The following CLOCK variants were observed in gnomAD, a reference collection of about 807,000 sequenced individuals.
CLOCK encodes clock circadian regulator, also known as circadian locomoter output cycles protein kaput.
Under a neutral mutation model 118.4 loss-of-function variants are expected in CLOCK, and 43 were observed. That is an observed-to-expected ratio of 0.36 (90% CI 0.28 to 0.47). The LOEUF (loss-of-function observed/expected upper bound fraction) is 0.47, where lower values mean the gene tolerates loss of function less well. Among genes scored for constraint, CLOCK ranks in the 20% least tolerant of loss-of-function variants. The pLI is 1.00. For synonymous variants in CLOCK, 326 were observed against 339.2 expected, an observed-to-expected ratio of 0.96 and a Z score of 0.43; for missense variants, 846 against 999.9, an observed-to-expected ratio of 0.85 and a Z score of 2.08.
In CLOCK at chr4:55,428,819, A is replaced by G. The variant is rs1296904520; in HGVS notation, c.*6596T>C. Reference sequence around the variant, plus strand: ...TTTTTTTTTGCACTGACTGGTTTCAATACAGCACTGAATTTAACTCATCTT... The same window carrying G: ...TTTTTTTTTGCACTGACTGGTTTCAGTACAGCACTGAATTTAACTCATCTT... On this transcript the variant is annotated 3_prime_UTR_variant, in exon 23 of 23. Transcript: ENST00000513440. 1.3e-5 allele frequency: 2 copies of G among 151,730 alleles called. No homozygotes were observed. The highest frequency in any genetic ancestry group is 2.9e-5 in the Non-Finnish European group (2 of 67,952). The allele number at this position is 151,730 out of a possible 1,614,324, so 9.4% of individuals were successfully genotyped here.
intron 4 of CLOCK, among the ~76,000 whole-genome samples, chr4:55,481,379 C>A (rs1726925557): frequency 6.6e-6 from 1 of 152,050 alleles, no homozygotes; most frequent in Admixed American, 6.6e-5. Context: ...TGCTTTATGT[C>A]TGAAAATACA....
chr4:55,520,839 A>T (rs76977585), intron 1 of CLOCK, among the ~76,000 whole-genome samples: 158 of 152,256 alleles, frequency 1.0e-3, no homozygotes, highest in Non-Finnish European at 1.6e-3. Context: ...CCCTTGCTTT[A>T]TATCAGAAGA....
intron 20 of CLOCK, 40 bp downstream of exon 20, chr4:55,443,647 C>A: frequency 6.7e-7 from 1 of 1,496,998 alleles, no homozygotes; most frequent in Non-Finnish European, 9.3e-7. Context: ...GCCTTCCAAC[C>A]ACTGATCACT....
At chr4:55,436,059 G>A (rs745460839) in intron 22 of CLOCK, among the ~76,000 whole-genome samples, 4 of 152,114 alleles carry the variant, frequency 2.6e-5, no homozygotes, top group Non-Finnish European at 2.9e-5. Context: ...AGACTGAATG[G>A]TTCAAACTTG....
chr4:55,496,504 CA>C lies in CLOCK; in HGVS notation c.-135-7040del, dbSNP rs1728097731. Among the ~76,000 whole-genome samples the C allele has an allele frequency of 3.3e-5, 5 of 152,310 alleles. No individual in the cohort carries two copies. In the South Asian group the frequency reaches 1.0e-3, roughly 32 times the overall value. ...ACCACTGAGTCCTTTATACACTTAT[CA>C]TATTGATAAGCTATTCTGTGGCAAA... On this transcript the variant is annotated intron_variant, in intron 2 of 22. Coordinates refer to ENST00000513440, the MANE Select transcript of CLOCK (RefSeq NM_004898.4).
At chr4:55,496,291 C>T (rs983513694) in intron 2 of CLOCK, among the ~76,000 whole-genome samples, 2 of 151,920 alleles carry the variant, frequency 1.3e-5, no homozygotes, top group African/African-American at 4.8e-5. Flanking sequence ...ACTGTGCCAG[C>T]TCATAATCTT....
intron 4 of CLOCK, 48 bp from the exon 5 acceptor site, chr4:55,479,747 A>C: frequency 7.0e-7 from 1 of 1,419,610 alleles, no homozygotes; most frequent in Non-Finnish European, 1.0e-6. Context: ...ACTAAGCAAC[A>C]GCAATACTAA....
chr4:55,447,992 T>TC (rs1171657707), intron 18 of CLOCK, among the ~76,000 whole-genome samples: 1 of 151,584 alleles, frequency 6.6e-6, no homozygotes, highest in Non-Finnish European at 1.5e-5. Context: ...TTGGAATTAC[T>TC]CCCCCTTTTT....
intron 1 of CLOCK, among the ~76,000 whole-genome samples, chr4:55,544,749 T>A (rs1731496950): frequency 6.6e-6 from 1 of 152,170 alleles, no homozygotes; most frequent in South Asian, 2.1e-4. Context: ...CATGAAGACA[T>A]ACACATAATA....
intron 8 of CLOCK, among the ~76,000 whole-genome samples, chr4:55,466,023 G>T (rs1255452544): frequency 6.6e-6 from 1 of 152,016 alleles, no homozygotes; most frequent in Non-Finnish European, 1.5e-5. Flanking sequence ...ACAAAATAAA[G>T]AATCAAAATA....
intron 2 of CLOCK, among the ~76,000 whole-genome samples, chr4:55,504,739 A>C (rs558128241): frequency 7.9e-5 from 12 of 152,348 alleles, no homozygotes; most frequent in Admixed American, 7.8e-4. Context: ...TAACTGAGAT[A>C]ATCAGGAAAA....
chr4:55,452,919 T>C (rs1406126340), intron 15 of CLOCK, 135 bp downstream of exon 15: 2 of 652,980 alleles, frequency 3.1e-6, no homozygotes, highest in Non-Finnish European at 5.2e-6. Flanking sequence ...AAATAAGTAG[T>C]AAAGTATAAT....
At chr4:55,506,926 CTTAGA>C (rs1189422576) in intron 2 of CLOCK, among the ~76,000 whole-genome samples, 2 of 152,120 alleles carry the variant, frequency 1.3e-5, no homozygotes, top group Admixed American at 1.3e-4. Flanking sequence ...ATCAGCAATT[CTTAGA>C]TTAGAGGTTT....
intron 2 of CLOCK, among the ~76,000 whole-genome samples, chr4:55,489,684 T>C (rs1342795829): frequency 1.3e-5 from 2 of 151,804 alleles, no homozygotes; most frequent in East Asian, 3.9e-4. Context: ...AGTTAAAAGA[T>C]AAAAGTATTA....
At chr4:55,497,689 C>T (rs1008559225) in intron 2 of CLOCK, among the ~76,000 whole-genome samples, 2 of 152,150 alleles carry the variant, frequency 1.3e-5, no homozygotes, top group Non-Finnish European at 2.9e-5. Context: ...AGGCTGCATG[C>T]GTTCAACTGT....
chr4:55,497,186 G>T (rs1728138325), intron 2 of CLOCK, among the ~76,000 whole-genome samples: 1 of 152,144 alleles, frequency 6.6e-6, no homozygotes, highest in South Asian at 2.1e-4. Flanking sequence ...CTCTAGCAGA[G>T]AATGTTTCCT....
intron 2 of CLOCK, among the ~76,000 whole-genome samples, chr4:55,489,741 A>G (rs990107524): frequency 3.3e-5 from 5 of 152,192 alleles, no homozygotes; most frequent in East Asian, 1.9e-4. Context: ...ACATAAAAGG[A>G]TAACATTGTG....
chr4:55,461,483 T>C (rs1725340846), intron 9 of CLOCK, among the ~76,000 whole-genome samples: 1 of 152,206 alleles, frequency 6.6e-6, no homozygotes, highest in Admixed American at 6.5e-5. Context: ...ATAGCTACTG[T>C]ACCAGGCAGG....
At chr4:55,445,900 T>C (rs1051675683) in intron 18 of CLOCK, among the ~76,000 whole-genome samples, 2 of 152,060 alleles carry the variant, frequency 1.3e-5, no homozygotes, top group Non-Finnish European at 2.9e-5. Flanking sequence ...CCAGCTTTAT[T>C]CCTATATTCT....
Sources: allele counts gnomAD v4.1 joint callset (sites outside exome capture counted in the v4.1 genomes callset), GRCh38; gene constraint gnomAD v4.1.1; transcripts MANE v1.5; gene names NCBI Gene and HGNC (gene_info 2026-07-23, HGNC 2026-07-21).